The following ARL3 variants were observed in gnomAD, a reference collection of about 807,000 sequenced individuals.
ARL3 encodes the protein ARF like GTPase 3, also known as ADP-ribosylation factor-like protein 3.
In ARL3, 9 loss-of-function variants were observed where a neutral mutation model predicts 26.0. The observed-to-expected ratio is 0.35, with a 90% CI of 0.21 to 0.60. The LOEUF (loss-of-function observed/expected upper bound fraction) is 0.60, where lower values mean the gene tolerates loss of function less well. ARL3 is among the 20% of genes least tolerant of loss of function. The pLI is 0.78. For missense variants in ARL3, 158 were observed against 215.7 expected (o/e 0.73, Z 1.67); for synonymous variants, 71 against 78.4 (o/e 0.91, Z 0.50).
chr10:102,712,851 T>A (rs1205886922), intron 1 of ARL3, among the ~76,000 whole-genome samples: 2 of 152,118 alleles, frequency 1.3e-5, no homozygotes, highest in African/African-American at 4.8e-5. Context: ...CACGTATAAA[T>A]GATTAAGAAA....
At chr10:102,686,883 T>C (rs1254626921) in intron 4 of ARL3, among the ~76,000 whole-genome samples, 1 of 133,638 alleles carries the variant, frequency 7.5e-6, no homozygotes, top group African/African-American at 2.9e-5. Context: ...TTTTTTTTTT[T>C]TTTTTTTTTT....
intron 5 of ARL3, among the ~76,000 whole-genome samples, chr10:102,678,274 T>C (rs2064140133): frequency 6.6e-6 from 1 of 152,054 alleles, no homozygotes; most frequent in Non-Finnish European, 1.5e-5. Flanking sequence ...GTGGGAGAAA[T>C]GAGGACTCCA....
chr10:102,700,435 G>A lies in ARL3; in HGVS notation c.148-946C>T, dbSNP rs186683592. Among the ~76,000 whole-genome samples the A allele has an allele frequency of 4.3e-3, 574 of 134,116 alleles. 3 individuals carry two copies. The highest frequency in any genetic ancestry group is 0.015 in the African/African-American group (541 of 36,402). 88.0% of individuals were successfully genotyped at this position (134,116 alleles called of 152,430 possible). On this transcript the variant is annotated intron_variant, in intron 2 of 5. Coordinates refer to ENST00000260746, the MANE Select transcript of ARL3 (RefSeq NM_004311.4). The stretch of plus-strand genomic sequence containing the variant: ...AAAAAAAAAAAAGTGCTTTCATAGG[G>A]AACTATGATGAACTTGAACTTGAAA...
intron 5 of ARL3, among the ~76,000 whole-genome samples, chr10:102,677,655 A>G (rs1322823628): frequency 6.6e-6 from 1 of 152,218 alleles, no homozygotes; most frequent in Non-Finnish European, 1.5e-5. Flanking sequence ...GGCAGGCAGC[A>G]TAATTCCTAC....
At chr10:102,686,694 G>C in intron 4 of ARL3, among the ~76,000 whole-genome samples, 1 of 149,700 alleles carries the variant, frequency 6.7e-6, no homozygotes, top group African/African-American at 2.5e-5. Context: ...TGAACTCCTG[G>C]CCTCAAGTGA....
chr10:102,685,270 T>G (rs189528336), intron 5 of ARL3, among the ~76,000 whole-genome samples: 7 of 68,858 alleles, frequency 1.0e-4, no homozygotes, highest in Non-Finnish European at 1.5e-4. Flanking sequence ...AAAAAAAAAA[T>G]TAGGGGGAGC....
chr10:102,682,532 A>G (rs1368709313), intron 5 of ARL3, among the ~76,000 whole-genome samples: 3 of 152,180 alleles, frequency 2.0e-5, no homozygotes, highest in African/African-American at 7.2e-5. Context: ...AATCCATCCC[A>G]GGAATCACTA....
chr10:102,681,631 G>A (rs567378326), intron 5 of ARL3, among the ~76,000 whole-genome samples: 181 of 152,144 alleles, frequency 1.2e-3, no homozygotes, highest in Admixed American at 1.9e-3. Flanking sequence ...GGAGAGGAAC[G>A]TGGGGCAGAC....
chr10:102,711,025 G>A (rs1334276062), intron 1 of ARL3, among the ~76,000 whole-genome samples: 5 of 152,166 alleles, frequency 3.3e-5, no homozygotes, highest in African/African-American at 1.2e-4. Context: ...CTGAAATTAC[G>A]AAGCCAACAG....
intron 5 of ARL3, among the ~76,000 whole-genome samples, chr10:102,678,076 T>C (rs1019191089): frequency 1.3e-5 from 2 of 152,182 alleles, no homozygotes; most frequent in Non-Finnish European, 2.9e-5. Flanking sequence ...CATCTGACCG[T>C]CACCTGAATT....
chr10:102,681,037 C>T (rs1273584039), intron 5 of ARL3, among the ~76,000 whole-genome samples: 2 of 152,074 alleles, frequency 1.3e-5, no homozygotes, highest in East Asian at 1.9e-4. Flanking sequence ...GTTCCATATA[C>T]ACCTGGAGTC....
chr10:102,695,825 A>C (rs2064244372), intron 3 of ARL3, among the ~76,000 whole-genome samples: 1 of 151,106 alleles, frequency 6.6e-6, no homozygotes, highest in Non-Finnish European at 1.5e-5. Context: ...CCTGATTTAA[A>C]ATATTTTTAA....
intron 3 of ARL3, among the ~76,000 whole-genome samples, chr10:102,691,763 T>C (rs1362011347): frequency 6.6e-6 from 1 of 152,198 alleles, no homozygotes; most frequent in African/African-American, 2.4e-5. Context: ...TCAAGCCTGC[T>C]CTTCTAGGCA....
At chr10:102,679,337 G>C (rs967917251) in intron 5 of ARL3, among the ~76,000 whole-genome samples, 7 of 152,332 alleles carry the variant, frequency 4.6e-5, no homozygotes, top group Non-Finnish European at 8.8e-5. Context: ...ACTTGCTGGA[G>C]ATTATATTCC....
At chr10:102,689,842 G>GTACA in intron 4 of ARL3, 51 bp downstream of exon 4, 2 of 1,155,896 alleles carry the variant, frequency 1.7e-6, no homozygotes, top group Non-Finnish European at 2.4e-6. Context: ...AAAAAAAAAA[G>GTACA]TACATACATA....
At position 102,691,120 on chromosome 10, in the gene ARL3, T is replaced by C. The variant is rs1046968471; in HGVS notation, c.265-1177A>G. 2.6e-5 allele frequency among the ~76,000 whole-genome samples: 4 copies of C among 151,804 alleles called. No individual in the cohort carries two copies. In the South Asian group the frequency reaches 6.2e-4, roughly 24 times the overall value. On this transcript the variant is annotated intron_variant, in intron 3 of 5. Coordinates refer to ENST00000260746, the MANE Select transcript of ARL3 (RefSeq NM_004311.4). ...TTTAGCCTCTGTGGCCCATACAATC[T>C]CTCTTTTTCTTTTTATTATACTTTA...
chr10:102,697,412 C>T (rs1040914952), intron 3 of ARL3, among the ~76,000 whole-genome samples: 15 of 152,042 alleles, frequency 9.9e-5, no homozygotes, highest in African/African-American at 2.9e-4. Context: ...TTCCTGACCT[C>T]GTGATCCACC....
At chr10:102,684,104 A>G (rs1204470716) in intron 5 of ARL3, among the ~76,000 whole-genome samples, 1 of 152,056 alleles carries the variant, frequency 6.6e-6, no homozygotes, top group East Asian at 1.9e-4. Context: ...CTTCAGCCCC[A>G]CCTTCATAAT....
At chr10:102,693,943 G>A (rs370148443) in intron 3 of ARL3, among the ~76,000 whole-genome samples, 1 of 152,200 alleles carries the variant, frequency 6.6e-6, no homozygotes. Context: ...CCAAAGGGCT[G>A]AGATTACAGA....
Sources: gnomAD v4.1 joint callset for allele counts (sites outside exome capture counted in the v4.1 genomes callset) on GRCh38, gnomAD v4.1.1 for gene constraint, MANE v1.5 for transcripts, NCBI Gene and HGNC (gene_info 2026-07-23, HGNC 2026-07-21) for gene names.